Variants in RAB27A observed in about 807,000 individuals in gnomAD.
RAB27A encodes the protein RAB27A, member RAS oncogene family, also known as ras-related protein Rab-27A.
In RAB27A, 17 loss-of-function variants were observed where a neutral mutation model predicts 20.8. The ratio of observed to expected loss-of-function variants is 0.82; its 90% CI spans 0.56 to 1.23. The LOEUF is 1.23. Among genes scored for constraint, RAB27A ranks in the 50% most tolerant of loss-of-function variants. The pLI is 0.00. For missense variants in RAB27A, 277 were observed against 266.7 expected (o/e 1.04, Z -0.27); for synonymous variants, 85 against 92.8 (o/e 0.92, Z 0.48).
At chr15:55,316,872 C>T (rs1450148479) in intron 1 of RAB27A, among the ~76,000 whole-genome samples, 1 of 152,162 alleles carries the variant, frequency 6.6e-6, no homozygotes, top group Admixed American at 6.5e-5. Flanking sequence ...AGATGAAAAA[C>T]GGCTGGGATT....
At chr15:55,311,934 G>T (rs537768414) in intron 2 of RAB27A, among the ~76,000 whole-genome samples, 2 of 152,080 alleles carry the variant, frequency 1.3e-5, no homozygotes, top group African/African-American at 4.8e-5. Context: ...CTTCCAAGAC[G>T]GTGGCAAGCC....
At chr15:55,277,089 G>C (rs1472981444) in intron 1 of RAB27A, among the ~76,000 whole-genome samples, 1 of 152,184 alleles carries the variant, frequency 6.6e-6, no homozygotes, top group Non-Finnish European at 1.5e-5. Flanking sequence ...AGGTAAGAAA[G>C]AGGAGATGAA....
intron 1 of RAB27A, among the ~76,000 whole-genome samples, chr15:55,280,744 C>T (rs1399298006): frequency 6.6e-6 from 1 of 151,662 alleles, no homozygotes; most frequent in Non-Finnish European, 1.5e-5. Flanking sequence ...ACCTATGAGT[C>T]AGAACATGTG....
chr15:55,207,069 G>A (rs1313547810), intron 6 of RAB27A, among the ~76,000 whole-genome samples: 1 of 151,980 alleles, frequency 6.6e-6, no homozygotes, highest in African/African-American at 2.4e-5. Context: ...CCCAAAATAA[G>A]GGAAATGCAA....
chr15:55,302,309 G>T (rs558500599), intron 2 of RAB27A, among the ~76,000 whole-genome samples: 83 of 152,132 alleles, frequency 5.5e-4, no homozygotes, highest in Non-Finnish European at 1.0e-3. Context: ...CCCTAACCGC[G>T]AGTGATCCCG....
At chr15:55,290,671 G>C (rs1232654741), upstream of RAB27A, among the ~76,000 whole-genome samples, 2 of 152,206 alleles carry the variant, frequency 1.3e-5, no homozygotes, top group African/African-American at 4.8e-5. Context: ...TCCGGCCTGC[G>C]GGGTAGTGAA....
In RAB27A at chr15:55,223,891, A is replaced by G. The variant is rs1316745675; in HGVS notation, c.465T>C (p.Tyr155=). ...GACTTCTCCACAAAAATACTCACCCATATTTCTCTGCGAGTGCTATGGCTT... is the reference window on the plus strand; with the variant it reads ...GACTTCTCCACAAAAATACTCACCCGTATTTCTCTGCGAGTGCTATGGCTT... ...EEEAIALAEK[Y]GIPYFETSAA... is the part of the protein sequence containing the mutation. Residue 155 remains tyrosine, a splice_region_variant and synonymous_variant, in exon 6 of 7, where the codon TAT becomes TAC. Transcript: ENST00000336787. 1 of 1,613,500 alleles carries G rather than the reference A, an allele frequency of 6.2e-7. No homozygotes were observed. Among genetic ancestry groups the G allele is most frequent in the Non-Finnish European group, 8.5e-7 (1 of 1,179,824 alleles).
chr15:55,310,716 G>A (rs543952595), intron 2 of RAB27A, among the ~76,000 whole-genome samples: 4 of 152,148 alleles, frequency 2.6e-5, no homozygotes, highest in African/African-American at 9.6e-5. Context: ...AAAAACCGAG[G>A]TTGCCAAGTT....
intron 2 of RAB27A, among the ~76,000 whole-genome samples, chr15:55,301,412 C>T (rs149083325): frequency 2.0e-5 from 3 of 152,014 alleles, no homozygotes; most frequent in African/African-American, 7.2e-5. Flanking sequence ...GATGCAGTAT[C>T]ATATTTTAAT....
intron 2 of RAB27A, among the ~76,000 whole-genome samples, chr15:55,254,353 T>C (rs973175062): frequency 7.2e-5 from 11 of 152,118 alleles, no homozygotes; most frequent in Non-Finnish European, 7.4e-5. Flanking sequence ...CATCTAACAA[T>C]AGGCCTCAAT....
intron 2 of RAB27A, among the ~76,000 whole-genome samples, chr15:55,300,845 TCA>T (rs1228883911): frequency 5.0e-5 from 7 of 140,918 alleles, no homozygotes; most frequent in African/African-American, 8.6e-5. Flanking sequence ...CTAAGTCATT[TCA>T]CAGACTTCAT....
intron 2 of RAB27A, among the ~76,000 whole-genome samples, chr15:55,309,532 T>C (rs923319287): frequency 2.0e-5 from 3 of 152,114 alleles, no homozygotes; most frequent in Non-Finnish European, 4.4e-5. Context: ...CCTGGCCAAA[T>C]AGATGGGAGC....
chr15:55,267,454 C>T (rs1164051801), intron 2 of RAB27A, among the ~76,000 whole-genome samples: 1 of 152,150 alleles, frequency 6.6e-6, no homozygotes, highest in Admixed American at 6.6e-5. Context: ...CCCCTACCTG[C>T]CCCCCAGCCT....
At chr15:55,206,822 A>G (rs1181469066) in intron 6 of RAB27A, among the ~76,000 whole-genome samples, 1 of 152,202 alleles carries the variant, frequency 6.6e-6, no homozygotes. Flanking sequence ...TAAGTTTGAT[A>G]ATCTTGACAA....
chr15:55,233,292 A>C (rs1896118138), intron 3 of RAB27A, among the ~76,000 whole-genome samples: 1 of 152,174 alleles, frequency 6.6e-6, no homozygotes, highest in African/African-American at 2.4e-5. Flanking sequence ...ATTAAAATTA[A>C]GTTGCTATTA....
At chr15:55,233,527 C>CGT (rs755627506) in intron 3 of RAB27A, among the ~76,000 whole-genome samples, 34 of 152,192 alleles carry the variant, frequency 2.2e-4, no homozygotes, top group Non-Finnish European at 4.1e-4. Flanking sequence ...ATACATGCTA[C>CGT]AACATGGAAG....
chr15:55,275,918 T>A (rs968231389), intron 1 of RAB27A, among the ~76,000 whole-genome samples: 118 of 104,098 alleles, frequency 1.1e-3, no homozygotes, highest in South Asian at 2.0e-3. Flanking sequence ...GATGGCTAAT[T>A]AAAAAAAAAA....
At position 55,312,221 on chromosome 15, in the gene RAB27A, G is replaced by A. The variant is rs376519560; in HGVS notation, c.-112+1818C>T. On this transcript the variant is annotated intron_variant, in intron 2 of 5. Transcript: ENST00000563262. Reference sequence around the variant, plus strand: ...TGGATCCGGAGGGATGGAAGTCAGCGGCGGGTCTGCGACAGCGGCAAACAA... The same window carrying A: ...TGGATCCGGAGGGATGGAAGTCAGCAGCGGGTCTGCGACAGCGGCAAACAA... Among the ~76,000 whole-genome samples, 133 of 152,276 alleles carry A rather than the reference G, an allele frequency of 8.7e-4. 2 individuals carry two copies. The East Asian group carries it at 0.013, about 15-fold the overall frequency.
At chr15:55,285,160 A>G (rs1203451613) in intron 1 of RAB27A, among the ~76,000 whole-genome samples, 7 of 152,116 alleles carry the variant, frequency 4.6e-5, no homozygotes, top group Non-Finnish European at 1.0e-4. Context: ...TGCAAATTTA[A>G]CTTTTTTTTA....
Sources: allele counts gnomAD v4.1 joint callset (sites outside exome capture counted in the v4.1 genomes callset), GRCh38; gene constraint gnomAD v4.1.1; transcripts MANE v1.5; gene names NCBI Gene and HGNC (gene_info 2026-07-23, HGNC 2026-07-21).